The following MIS18BP1 variants were observed in gnomAD, a reference collection of about 807,000 sequenced individuals.
MIS18BP1 encodes mis18-binding protein 1.
Under a neutral mutation model 116.1 loss-of-function variants are expected in MIS18BP1, and 72 were observed. The ratio of observed to expected loss-of-function variants is 0.62; its 90% CI spans 0.51 to 0.75. The LOEUF (loss-of-function observed/expected upper bound fraction) is 0.75, where lower values mean the gene tolerates loss of function less well. Among genes scored for constraint, MIS18BP1 ranks in the 30% least tolerant of loss-of-function variants. MIS18BP1 has a pLI of 0.00. For missense variants in MIS18BP1, 1,363 were observed against 1,303.2 expected (o/e 1.05, Z -0.71); for synonymous variants, 386 against 427.0 (o/e 0.90, Z 1.18).
intron 5 of MIS18BP1, among the ~76,000 whole-genome samples, chr14:45,237,012 C>CTTT (rs11329365): frequency 1.5e-5 from 2 of 137,000 alleles, no homozygotes; most frequent in African/African-American, 2.7e-5. Context: ...ACAGTTATAA[C>CTTT]TTTTTTTTTT....
At position 45,224,377 on chromosome 14, in the gene MIS18BP1, A is replaced by C. The variant is rs751929489; in HGVS notation, c.2210T>G (p.Leu737Arg). The C allele has an allele frequency of 3.8e-5, 61 of 1,613,316 alleles. No individual in the cohort carries two copies. The highest frequency in any genetic ancestry group is 4.8e-5 in the Non-Finnish European group (57 of 1,179,848). The part of the protein sequence containing the change: ...KISNLEKEQM[L>R]TSDFKKNTRL... ...GGTATTTTTCTTAAAGTCAGAGGTG[A>C]GCATTTGTTCCTTTTCAAGGTTAGA... The change falls in exon 11 of 17, where the codon CTC becomes CGC. Residue 737 changes from leucine (L) to arginine (R), a missense_variant. Transcript: ENST00000310806.
chr14:45,235,521 T>C (rs902974096), intron 6 of MIS18BP1, among the ~76,000 whole-genome samples: 2 of 140,928 alleles, frequency 1.4e-5, no homozygotes, highest in Admixed American at 7.7e-5. Flanking sequence ...ACCCCGGAGA[T>C]GGAGGTTGCA....
Position 45,235,934 on chromosome 14 carries a change from T to G in MIS18BP1, c.1228A>C (p.Asn410His). ...ATTACATTACTGTGCCAATATATGTTAGTGACGTCTCTAGGAAAAAAAAAT... is the reference window on the plus strand; with the variant it reads ...ATTACATTACTGTGCCAATATATGTGAGTGACGTCTCTAGGAAAAAAAAAT... ...CVEGKLIDVT[N>H]IYWHSNVIIE... Residue 410 changes from asparagine to histidine, a missense_variant, in exon 6 of 17, where the codon AAC becomes CAC. By Grantham distance (68) the Asn-to-His change is moderately conservative (BLOSUM62 1). Transcript: ENST00000310806. 1.2e-6 allele frequency: 2 copies of G among 1,602,562 alleles called. No individual in the cohort carries two copies. Among genetic ancestry groups the G allele is most frequent in the Non-Finnish European group, 1.7e-6 (2 of 1,176,174 alleles).
intron 4 of MIS18BP1, among the ~76,000 whole-genome samples, chr14:45,239,281 G>A (rs1891511798): frequency 6.6e-6 from 1 of 152,128 alleles, no homozygotes; most frequent in Admixed American, 6.6e-5. Context: ...CAGGATAATG[G>A]CATCTAAACC....
intron 13 of MIS18BP1, among the ~76,000 whole-genome samples, chr14:45,212,980 C>T (rs1409130382): frequency 6.6e-6 from 1 of 152,220 alleles, no homozygotes; most frequent in African/African-American, 2.4e-5. Flanking sequence ...TTTTAATAAA[C>T]TTTCATTCCT....
chr14:45,252,375 A>T (rs1344203757), intron 1 of MIS18BP1, among the ~76,000 whole-genome samples: 2 of 152,248 alleles, frequency 1.3e-5, no homozygotes, highest in Non-Finnish European at 2.9e-5. Context: ...GAAAGTAACA[A>T]CATAGAATTG....
At chr14:45,234,692 A>T (rs1308317794) in intron 6 of MIS18BP1, among the ~76,000 whole-genome samples, 1 of 152,166 alleles carries the variant, frequency 6.6e-6, no homozygotes, top group East Asian at 1.9e-4. Flanking sequence ...CAGCACCAAG[A>T]AACCACTAAG....
intron 15 of MIS18BP1, 66 bp downstream of exon 15, chr14:45,206,017 C>T: frequency 9.6e-7 from 1 of 1,045,492 alleles, no homozygotes; most frequent in Non-Finnish European, 1.4e-6. Flanking sequence ...TGACTTACAA[C>T]TACCACAGTT....
intron 8 of MIS18BP1, among the ~76,000 whole-genome samples, chr14:45,230,155 C>T (rs776993705): frequency 2.0e-5 from 3 of 152,130 alleles, no homozygotes; most frequent in Admixed American, 6.5e-5. Flanking sequence ...CTCTTAGTTA[C>T]AAGTTTAAGG....
At chr14:45,205,260 TAAATC>T (rs774478686) in intron 15 of MIS18BP1, among the ~76,000 whole-genome samples, 172 of 152,084 alleles carry the variant, frequency 1.1e-3, no homozygotes, top group Non-Finnish European at 2.3e-3. Flanking sequence ...TTTGGTAACA[TAAATC>T]AATATAATCA....
chr14:45,234,617 T>A (rs1891373974), intron 6 of MIS18BP1, among the ~76,000 whole-genome samples: 2 of 152,264 alleles, frequency 1.3e-5, no homozygotes, highest in Non-Finnish European at 2.9e-5. Flanking sequence ...TTTGTCAAAA[T>A]ATGAAGGAGT....
At chr14:45,248,336 G>T (rs1169964766) in intron 1 of MIS18BP1, among the ~76,000 whole-genome samples, 2 of 151,866 alleles carry the variant, frequency 1.3e-5, no homozygotes, top group African/African-American at 4.8e-5. Context: ...CAAAGTGCTG[G>T]GGTTACAGGT....
rs1890439603 is a variant in MIS18BP1 at position 45,204,055 on chromosome 14, C to CA, written c.*53dup. ...AATACATGTACTCCAGTTGAAAATA[C>CA]AAACACTGTCTGCTTTATGGTAAAA... On this transcript the variant is annotated 3_prime_UTR_variant, in exon 17 of 17. Transcript: ENST00000310806. 2 of 1,573,882 alleles carry CA rather than the reference C, an allele frequency of 1.3e-6. No individual in the cohort carries two copies. Among genetic ancestry groups the CA allele is most frequent in the African/African-American group, 2.8e-5 (2 of 72,574 alleles).
At chr14:45,231,345 AAAC>A in intron 7 of MIS18BP1, 47 bp from the exon 8 acceptor site, 1 of 1,456,564 alleles carries the variant, frequency 6.9e-7, no homozygotes, top group Non-Finnish European at 9.2e-7. Flanking sequence ...ATTCTCAAAA[AAAC>A]AAAACAAAAA....
intron 1 of MIS18BP1, among the ~76,000 whole-genome samples, chr14:45,251,772 A>G (rs1430951577): frequency 6.6e-6 from 1 of 152,254 alleles, no homozygotes; most frequent in East Asian, 1.9e-4. Flanking sequence ...AAAGGCCAAT[A>G]AACGAGTTGT....
intron 10 of MIS18BP1, among the ~76,000 whole-genome samples, chr14:45,225,610 C>T (rs964137457): frequency 1.3e-5 from 2 of 152,062 alleles, no homozygotes; most frequent in African/African-American, 4.8e-5. Flanking sequence ...CATAGAAACA[C>T]ACTCAAAATG....
At chr14:45,245,876 C>A (rs1002325390) in intron 2 of MIS18BP1, among the ~76,000 whole-genome samples, 1 of 152,198 alleles carries the variant, frequency 6.6e-6, no homozygotes, top group African/African-American at 2.4e-5. Context: ...ACCCTAATAC[C>A]TAAACTTAGA....
chr14:45,247,448 C>T (rs957629291), intron 1 of MIS18BP1, 71 bp from the exon 2 acceptor site: 1 of 565,804 alleles, frequency 1.8e-6, no homozygotes, highest in Non-Finnish European at 3.0e-6. Flanking sequence ...ATTTGCTTTC[C>T]ACAACATTAT....
At position 45,226,812 on chromosome 14, in the gene MIS18BP1, T is replaced by G. The variant is rs574104227; in HGVS notation, c.1771A>C (p.Lys591Gln). Residue 591 changes from lysine to glutamine, a missense_variant, in exon 10 of 17, where the codon AAA becomes CAA. Coordinates refer to ENST00000310806, the MANE Select transcript of MIS18BP1 (RefSeq NM_018353.5). ...NQELIGKKEY[K>Q]MSSKKLKIGE... ...ATTTTTAGTTTCTTTGAAGACATTTTATATTCTTTTTTTCCAATTAATTCC... is the reference window on the plus strand; with the variant it reads ...ATTTTTAGTTTCTTTGAAGACATTTGATATTCTTTTTTTCCAATTAATTCC... The G allele has an allele frequency of 7.1e-7, 1 of 1,402,314 alleles. No individual in the cohort carries two copies. Among genetic ancestry groups the G allele is most frequent in the Non-Finnish European group, 9.5e-7 (1 of 1,055,954 alleles). The allele number at this position is 1,402,314 out of a possible 1,614,324, so 86.9% of individuals were successfully genotyped here. A position where few individuals can be genotyped will look rare whatever the true frequency, so the allele number is the denominator to read the frequency against.
Sources: allele counts gnomAD v4.1 joint callset (sites outside exome capture counted in the v4.1 genomes callset), GRCh38; gene constraint gnomAD v4.1.1; transcripts MANE v1.5; gene names NCBI Gene and HGNC (gene_info 2026-07-23, HGNC 2026-07-21).